The following TENM3 variants were observed in gnomAD, a reference collection of about 807,000 sequenced individuals.
The protein encoded by TENM3 is teneurin transmembrane protein 3, also known as teneurin-3.
In TENM3, 63 loss-of-function variants were observed where a neutral mutation model predicts 255.1. That is an observed-to-expected ratio of 0.25 (90% confidence interval 0.20 to 0.30). TENM3 has a LOEUF of 0.30. Among genes scored for constraint, TENM3 ranks in the 10% least tolerant of loss-of-function variants. The pLI is 1.00. For synonymous variants in TENM3, 1,306 were observed against 1,322.3 expected (o/e 0.99, Z 0.27); for missense variants, 2,929 against 3,461.1 (o/e 0.85, Z 3.86).
At chr4:182,791,741 C>G (rs1367033368) in intron 25 of TENM3, among the ~76,000 whole-genome samples, 1 of 152,168 alleles carries the variant, frequency 6.6e-6, no homozygotes, top group Admixed American at 6.5e-5. Context: ...TTTGTATACA[C>G]TTTATCCATT....
rs1284751080 is a variant in TENM3, at chr4:182,793,661, T to G, written c.6989T>G (p.Ile2330Ser). 1 of 1,614,026 alleles carries G rather than the reference T, an allele frequency of 6.2e-7. No individual in the cohort carries two copies. Among genetic ancestry groups the G allele is most frequent in the Non-Finnish European group, 8.5e-7 (1 of 1,179,864 alleles). Residue 2330 changes from isoleucine (I) to serine (S), a missense_variant, in exon 26 of 28, where the codon ATT (isoleucine) becomes AGT (serine). By Grantham distance (142) the Ile-to-Ser change is moderately radical. Around this residue, in one of 6 missense-constraint regions of TENM3, gnomAD observed 256 missense variants for 389.3 expected, o/e 0.66. Transcript: ENST00000511685. This position sits in a 1 kb window ranked among gnomAD's most constrained non-coding sequence, Gnocchi z 5.7. ...AYGEIYFDSNIDFQLVIGFHG... is the reference protein window; with the variant it reads ...AYGEIYFDSNSDFQLVIGFHG... ...GGGGAAATCTATTTTGACTCTAATATTGACTTTCAACTGGTAATTGGATTT... is the reference window on the plus strand; with the variant it reads ...GGGGAAATCTATTTTGACTCTAATAGTGACTTTCAACTGGTAATTGGATTT...
intron 4 of TENM3, among the ~76,000 whole-genome samples, chr4:182,619,895 T>C (rs895645360): frequency 2.0e-5 from 3 of 152,194 alleles, no homozygotes; most frequent in African/African-American, 7.2e-5. Flanking sequence ...AAAGGTGTGC[T>C]CTGTGTTAAA....
At chr4:181,944,058 A>T in the TENM3 span, among the ~76,000 whole-genome samples, 2 of 152,236 alleles carry the variant, frequency 1.3e-5, no homozygotes, top group Admixed American at 1.3e-4. Flanking sequence ...TTTTGTCTCT[A>T]GGCACCAGGA....
chr4:181,753,934 G>T, the TENM3 span, among the ~76,000 whole-genome samples: 1 of 152,148 alleles, frequency 6.6e-6, no homozygotes, highest in East Asian at 1.9e-4. Context: ...ACACTGGGGG[G>T]AGTTAATAGA....
At chr4:181,517,631 A>G in the TENM3 span, among the ~76,000 whole-genome samples, 7 of 152,196 alleles carry the variant, frequency 4.6e-5, no homozygotes, top group Non-Finnish European at 7.3e-5. Context: ...TGGTTTGTTC[A>G]TTTATTTTTC....
At chr4:181,770,093 G>T in the TENM3 span, among the ~76,000 whole-genome samples, 1 of 152,178 alleles carries the variant, frequency 6.6e-6, no homozygotes, top group African/African-American at 2.4e-5. Flanking sequence ...TGAATATGCA[G>T]TTTGGGGCTG....
chr4:182,763,671 G>A (rs1025790335), intron 22 of TENM3, among the ~76,000 whole-genome samples: 7 of 152,210 alleles, frequency 4.6e-5, no homozygotes, highest in African/African-American at 9.7e-5. Flanking sequence ...GTCAGTTAGC[G>A]TTATAGTAAT....
chr4:182,350,584 G>T (rs775988038), intron 3 of TENM3, among the ~76,000 whole-genome samples: 5 of 152,190 alleles, frequency 3.3e-5, no homozygotes, highest in Admixed American at 6.5e-5. Context: ...TGGGTGAAAG[G>T]TTATAAAATC....
At chr4:182,168,818 A>G (rs1353238662) in intron 1 of TENM3, among the ~76,000 whole-genome samples, 1 of 97,452 alleles carries the variant, frequency 1.0e-5, no homozygotes, top group East Asian at 2.5e-4. Flanking sequence ...CTCAACAGTT[A>G]GCCCATTTTA....
chr4:182,780,421 G>A (rs1228702407), intron 24 of TENM3, among the ~76,000 whole-genome samples: 14 of 109,350 alleles, frequency 1.3e-4, no homozygotes, highest in African/African-American at 4.4e-4. Context: ...CTATATCTCT[G>A]TTTTGGTACC....
chr4:182,775,271 C>T (rs1579453484), intron 24 of TENM3, 118 bp downstream of exon 24: 8 of 885,720 alleles, frequency 9.0e-6, no homozygotes, highest in Admixed American at 4.5e-5. Flanking sequence ...ATGAGCACCT[C>T]GCTCAGTGTG....
At chr4:181,893,871 C>A in the TENM3 span, among the ~76,000 whole-genome samples, 1 of 151,972 alleles carries the variant, frequency 6.6e-6, no homozygotes, top group East Asian at 1.9e-4. Flanking sequence ...TTTTTTCTAT[C>A]CATTTAAAAT....
chr4:182,134,828 C>G, the TENM3 span, among the ~76,000 whole-genome samples: 1 of 152,162 alleles, frequency 6.6e-6, no homozygotes, highest in Non-Finnish European at 1.5e-5. Context: ...TCTACTGTTT[C>G]ATGGCTTTAT....
intron 3 of TENM3, among the ~76,000 whole-genome samples, chr4:182,426,818 T>A (rs986872820): frequency 6.6e-6 from 1 of 152,212 alleles, no homozygotes; most frequent in African/African-American, 2.4e-5. Flanking sequence ...TCATAACTAA[T>A]TGTTGAATTT....
chr4:182,765,826 A>AT (rs1278822938), intron 22 of TENM3, among the ~76,000 whole-genome samples: 1 of 152,140 alleles, frequency 6.6e-6, no homozygotes, highest in African/African-American at 2.4e-5. Context: ...AAAATATGTG[A>AT]TTTTTACCAT....
At chr4:182,311,662 T>A (rs1762452416) in intron 1 of TENM3, among the ~76,000 whole-genome samples, 1 of 152,138 alleles carries the variant, frequency 6.6e-6, no homozygotes, top group Non-Finnish European at 1.5e-5. Context: ...TTAAGTGAGG[T>A]CATATATGTA....
the TENM3 span, among the ~76,000 whole-genome samples, chr4:181,980,874 T>C: frequency 0.25 from 37,289 of 152,006 alleles, 4,736 homozygotes; most frequent in Non-Finnish European, 0.27. Context: ...GTTTAAAAAT[T>C]GGTTTACTGT....
chr4:182,296,746 C>A (rs1452696710), intron 1 of TENM3, among the ~76,000 whole-genome samples: 1 of 152,202 alleles, frequency 6.6e-6, no homozygotes, highest in African/African-American at 2.4e-5. Flanking sequence ...TAAATATTAT[C>A]ATGGGATTAA....
chr4:181,903,467 T>C, the TENM3 span, among the ~76,000 whole-genome samples: 1 of 152,154 alleles, frequency 6.6e-6, no homozygotes, highest in Non-Finnish European at 1.5e-5. Context: ...TGGCTAGAGA[T>C]AGGAGTGACT....
Sources: allele counts gnomAD v4.1 joint callset (sites outside exome capture counted in the v4.1 genomes callset), GRCh38; gene constraint gnomAD v4.1.1; regional missense constraint gnomAD v4.1.1; non-coding constraint Gnocchi (gnomAD v3.1); transcripts MANE v1.5; gene names NCBI Gene and HGNC (gene_info 2026-07-23, HGNC 2026-07-21).